LPAR1: variants seen among roughly 807,000 people sequenced by gnomAD.
The protein encoded by LPAR1 is LPA receptor 1.
A neutral mutation model predicts 23.8 loss-of-function variants in LPAR1; 5 were observed. That is an observed-to-expected ratio of 0.21 (90% confidence interval 0.11 to 0.44). LPAR1 has a LOEUF of 0.44. Among genes scored for constraint, LPAR1 ranks in the 20% least tolerant of loss-of-function variants. LPAR1 has a pLI of 0.99. For missense variants in LPAR1, 311 were observed against 482.8 expected (o/e 0.64, Z 3.33); for synonymous variants, 160 against 164.7 (o/e 0.97, Z 0.22).
At chr9:110,921,618 G>A (rs1030974884) in intron 5 of LPAR1, among the ~76,000 whole-genome samples, 43 of 152,224 alleles carry the variant, frequency 2.8e-4, no homozygotes, top group African/African-American at 1.0e-3. Flanking sequence ...AGGTTAATCC[G>A]GAGTCCACAA....
At chr9:111,002,666 T>C (rs532411117) in intron 2 of LPAR1, among the ~76,000 whole-genome samples, 1 of 152,314 alleles carries the variant, frequency 6.6e-6, no homozygotes, top group East Asian at 1.9e-4. Context: ...TATTCTCTTA[T>C]TCCTAATCGA....
intron 2 of LPAR1, among the ~76,000 whole-genome samples, chr9:111,029,732 G>A (rs904616490): frequency 1.1e-4 from 17 of 151,826 alleles, no homozygotes; most frequent in African/African-American, 2.9e-4. Flanking sequence ...AGCGGGGACC[G>A]TACTTTCTTA....
At chr9:111,023,838 T>C (rs555022874) in intron 2 of LPAR1, among the ~76,000 whole-genome samples, 2 of 152,342 alleles carry the variant, frequency 1.3e-5, no homozygotes, top group African/African-American at 4.8e-5. Flanking sequence ...TTACTATGTG[T>C]AGTAAACTAT....
At chr9:110,992,087 A>G (rs2096907587) in intron 2 of LPAR1, among the ~76,000 whole-genome samples, 1 of 152,182 alleles carries the variant, frequency 6.6e-6, no homozygotes. Context: ...ACTTTTTAAA[A>G]GACATTGTTA....
chr9:110,906,914 A>C (rs879697622), intron 5 of LPAR1, among the ~76,000 whole-genome samples: 5,675 of 152,216 alleles, frequency 0.037, 173 homozygotes, highest in Non-Finnish European at 0.046. Context: ...AAAAATTATG[A>C]TATAAAAATC....
At chr9:111,027,324 C>T (rs1045594873) in intron 2 of LPAR1, among the ~76,000 whole-genome samples, 1 of 151,572 alleles carries the variant, frequency 6.6e-6, no homozygotes. Context: ...CCTGTCTCTA[C>T]CCAAAAAATA....
intron 4 of LPAR1, among the ~76,000 whole-genome samples, chr9:110,964,671 C>T (rs2096133185): frequency 5.2e-4 from 1 of 1,914 alleles, no homozygotes; most frequent in Non-Finnish European, 1.3e-3. Flanking sequence ...CTTTCAGCCT[C>T]AAAAAAAAAA....
At chr9:110,887,538 G>C (rs2082745672) in intron 5 of LPAR1, among the ~76,000 whole-genome samples, 1 of 152,016 alleles carries the variant, frequency 6.6e-6, no homozygotes, top group Non-Finnish European at 1.5e-5. Context: ...TAATATGATA[G>C]CTATGTGTCT....
intron 2 of LPAR1, among the ~76,000 whole-genome samples, chr9:110,980,941 G>A (rs1380458109): frequency 1.3e-5 from 2 of 151,960 alleles, no homozygotes; most frequent in Non-Finnish European, 2.9e-5. Flanking sequence ...TATATTTAAA[G>A]ATAATATAGA....
chr9:110,928,796 G>GA lies in LPAR1; in HGVS notation c.793+12624dup, dbSNP rs569086768. Among the ~76,000 whole-genome samples the GA allele has an allele frequency of 2.0e-3, 304 of 152,286 alleles. 1 individual carries two copies. Among genetic ancestry groups the GA allele is most frequent in the African/African-American group, 7.0e-3 (291 of 41,566 alleles). ...CCCAATCCCTTCAGCATAAAATGGT[G>GA]AATCACTTGCTGGCTACAGCAAAAC... On this transcript the variant is annotated intron_variant, in intron 5 of 5. Coordinates refer to ENST00000683809, the MANE Select transcript of LPAR1 (RefSeq NM_001351411.2).
chr9:110,884,651 T>A (rs185351864), intron 5 of LPAR1, among the ~76,000 whole-genome samples: 1 of 152,350 alleles, frequency 6.6e-6, no homozygotes, highest in Non-Finnish European at 1.5e-5. Context: ...ATGTCTTTCA[T>A]TAACTTTGGG....
intron 2 of LPAR1, among the ~76,000 whole-genome samples, chr9:111,005,419 G>C (rs2097197538): frequency 6.6e-6 from 1 of 151,444 alleles, no homozygotes; most frequent in Non-Finnish European, 1.5e-5. Flanking sequence ...GGTGGTGTGT[G>C]ACTGTGTAGT....
intron 5 of LPAR1, among the ~76,000 whole-genome samples, chr9:110,916,746 C>T (rs2093148507): frequency 6.6e-6 from 1 of 152,006 alleles, no homozygotes; most frequent in African/African-American, 2.4e-5. Flanking sequence ...ACTCCCAAAC[C>T]ACCCCCTAAA....
chr9:110,883,549 T>C (rs899566151), intron 5 of LPAR1, among the ~76,000 whole-genome samples: 1 of 152,080 alleles, frequency 6.6e-6, no homozygotes, highest in Non-Finnish European at 1.5e-5. Context: ...CACACGTAAA[T>C]AGAATGTCAA....
chr9:110,913,525 A>G (rs1478070978), intron 5 of LPAR1, among the ~76,000 whole-genome samples: 2 of 147,828 alleles, frequency 1.4e-5, no homozygotes, highest in African/African-American at 5.3e-5. Context: ...ATATGTACAC[A>G]CACATGTGTA....
intron 2 of LPAR1, among the ~76,000 whole-genome samples, chr9:110,991,579 T>TGTTGTTG (rs1554724325): frequency 0.014 from 996 of 73,028 alleles, 11 homozygotes; most frequent in Admixed American, 0.056. Context: ...TCTGGTTTGT[T>TGTTGTTG]TTGTTGTTGT....
At chr9:110,912,975 G>A (rs2092647147) in intron 5 of LPAR1, among the ~76,000 whole-genome samples, 1 of 152,186 alleles carries the variant, frequency 6.6e-6, no homozygotes. Flanking sequence ...GAACAAGGTT[G>A]GGAGGTTAAC....
intron 5 of LPAR1, among the ~76,000 whole-genome samples, chr9:110,892,765 A>AAGGG: frequency 1.7e-5 from 2 of 115,220 alleles, no homozygotes; most frequent in Non-Finnish European, 3.6e-5. Context: ...GAAGGGGAGG[A>AAGGG]AGGGAAGGAA....
At chr9:110,900,792 A>T (rs1255356300) in intron 5 of LPAR1, among the ~76,000 whole-genome samples, 1 of 152,126 alleles carries the variant, frequency 6.6e-6, no homozygotes, top group Non-Finnish European at 1.5e-5. Context: ...TACCTTAAAA[A>T]TTTTCTTTTA....
Sources: allele counts gnomAD v4.1 joint callset (sites outside exome capture counted in the v4.1 genomes callset), GRCh38; gene constraint gnomAD v4.1.1; transcripts MANE v1.5; gene names NCBI Gene and HGNC (gene_info 2026-07-23, HGNC 2026-07-21).